The following CLPTM1L variants were observed in gnomAD, a reference collection of about 807,000 sequenced individuals.
CLPTM1L encodes the protein CLPTM1 like.
A neutral mutation model predicts 70.9 loss-of-function variants in CLPTM1L; 38 were observed. The observed-to-expected ratio is 0.54, with a 90% CI of 0.41 to 0.70. The LOEUF is 0.70. Ranked by LOEUF, CLPTM1L falls within the 30% of genes least tolerant of loss-of-function variation. The pLI, the probability that CLPTM1L is intolerant of heterozygous loss-of-function variation, is 0.00. For missense variants in CLPTM1L, 652 were observed against 705.9 expected, an observed-to-expected ratio of 0.92 and a Z score of 0.87; for synonymous variants, 339 against 299.9, an observed-to-expected ratio of 1.13 and a Z score of -1.35.
At position 1,326,163 on chromosome 5, in the gene CLPTM1L, G is replaced by A. The variant is rs763223587; in HGVS notation, c.1081-347C>T. The A allele has an allele frequency of 6.6e-5, 21 of 316,660 alleles. 1 individual carries two copies. The highest frequency in any genetic ancestry group is 1.5e-4 in the African/African-American group (7 of 47,198). The allele number at this position is 316,660 out of a possible 1,614,324, so 19.6% of individuals were successfully genotyped here. A position where few individuals can be genotyped will look rare whatever the true frequency, so the allele number is the denominator to read the frequency against. ...CAGCCCTGGAGCCAGTTTTGGGACC[G>A]CTCTGAGAGCCGCCACCTCATGGCT... On this transcript the variant is annotated intron_variant, in intron 9 of 16. Coordinates refer to ENST00000320895, the MANE Select transcript of CLPTM1L (RefSeq NM_030782.5).
chr5:1,334,161 G>A, intron 7 of CLPTM1L, 128 bp downstream of exon 7: 1 of 631,280 alleles, frequency 1.6e-6, no homozygotes, highest in South Asian at 1.9e-5. Flanking sequence ...TGAGTGATGG[G>A]AGTGGACACT....
chr5:1,328,782 C>T (rs380145), intron 9 of CLPTM1L, among the ~76,000 whole-genome samples: 16,978 of 139,736 alleles, frequency 0.12, 1,223 homozygotes, highest in Non-Finnish European at 0.18. Context: ...TCCAGATCCT[C>T]CTCTACAGAC....
chr5:1,342,488 C>T lies in CLPTM1L; in HGVS notation c.264-628G>A, dbSNP rs891596505. Among the ~76,000 whole-genome samples, 22 of 152,232 alleles carry T rather than the reference C, an allele frequency of 1.4e-4. No individual in the cohort carries two copies. The highest frequency in any genetic ancestry group is 5.9e-5 in the Non-Finnish European group (4 of 68,042). On this transcript the variant is annotated intron_variant, in intron 2 of 16. Coordinates refer to ENST00000320895, the MANE Select transcript of CLPTM1L (RefSeq NM_030782.5). This position sits in a 1 kb window ranked among gnomAD's most constrained non-coding sequence, Gnocchi z 4.3. ...ACAACTGTAGGCCTCGGACCAGGTG[C>T]CTGGCTCTTCACCCGCACACCAGGG...
chr5:1,325,643 G>A, intron 10 of CLPTM1L, 108 bp downstream of exon 10: 1 of 862,552 alleles, frequency 1.2e-6, no homozygotes, highest in South Asian at 1.5e-5. Context: ...TCCCCTGACA[G>A]AGGCCCGCAG....
chr5:1,325,848 A>T, intron 9 of CLPTM1L, 32 bp from the exon 10 acceptor site: 1 of 1,600,984 alleles, frequency 6.2e-7, no homozygotes, highest in Non-Finnish European at 8.6e-7. Flanking sequence ...TAGTTCCTTT[A>T]ATATTCGAAG....
chr5:1,322,799 T>A, intron 13 of CLPTM1L, 78 bp downstream of exon 13: 2 of 1,459,962 alleles, frequency 1.4e-6, no homozygotes, highest in Non-Finnish European at 1.9e-6. Flanking sequence ...CTTGCCACAC[T>A]GGGTTTCAAT....
chr5:1,329,613 G>C (rs1752939884), intron 9 of CLPTM1L, among the ~76,000 whole-genome samples: 1 of 131,906 alleles, frequency 7.6e-6, no homozygotes, highest in Non-Finnish European at 1.6e-5. Flanking sequence ...CTGGTGGACA[G>C]GGCCTCAGGA....
chr5:1,333,071 G>A (rs1245975119), intron 7 of CLPTM1L, among the ~76,000 whole-genome samples: 8 of 119,288 alleles, frequency 6.7e-5, no homozygotes, highest in African/African-American at 2.4e-4. Flanking sequence ...GATAAGGGGG[G>A]ACTACTGTAT....
intron 5 of CLPTM1L, among the ~76,000 whole-genome samples, chr5:1,335,658 T>C (rs1753530845): frequency 1.3e-5 from 2 of 152,108 alleles, no homozygotes; most frequent in Non-Finnish European, 2.9e-5. Context: ...GGGGTGGCCG[T>C]GGGGACAACA....
chr5:1,318,230 A>C lies in CLPTM1L; in HGVS notation c.*139T>G. ...CAGCTCCAAATCTGACGTGATGGGA[A>C]CTTGGGAGATGTCTGAGAAATGTCC... On this transcript the variant is annotated 3_prime_UTR_variant, in exon 17 of 17. Coordinates refer to ENST00000320895, the MANE Select transcript of CLPTM1L (RefSeq NM_030782.5). This position sits in a 1 kb window ranked among gnomAD's most constrained non-coding sequence, Gnocchi z 8.9. 3 of 671,494 alleles carry C rather than the reference A, an allele frequency of 4.5e-6. No individual in the cohort carries two copies. Among genetic ancestry groups the C allele is most frequent in the South Asian group, 3.6e-5 (2 of 55,852 alleles). 41.6% of individuals were successfully genotyped at this position (671,494 alleles called of 1,614,324 possible). A position where few individuals can be genotyped will look rare whatever the true frequency, so the allele number is the denominator to read the frequency against.
intron 7 of CLPTM1L, among the ~76,000 whole-genome samples, chr5:1,334,065 C>T (rs577146827): frequency 1.6e-4 from 25 of 152,248 alleles, no homozygotes; most frequent in African/African-American, 3.9e-4. Flanking sequence ...AGGCTGTGGA[C>T]GGAGCTTTAT....
intron 7 of CLPTM1L, chr5:1,332,128 T>A: frequency 1.9e-6 from 1 of 513,886 alleles, no homozygotes; most frequent in Admixed American, 3.2e-5. Context: ...TGACTTGAAC[T>A]GCTGGAAAGG....
intron 9 of CLPTM1L, 89 bp from the exon 10 acceptor site, chr5:1,325,905 G>GGCC: frequency 9.4e-7 from 1 of 1,066,168 alleles, no homozygotes; most frequent in Non-Finnish European, 1.4e-6. Flanking sequence ...GGTAGGACCT[G>GGCC]CTGCCCATGG....
intron 10 of CLPTM1L, 81 bp from the exon 11 acceptor site, chr5:1,324,894 C>T: frequency 7.6e-7 from 1 of 1,309,152 alleles, no homozygotes; most frequent in African/African-American, 1.4e-5. Flanking sequence ...AGGGGCGTCA[C>T]ATATGGCTGC....
intron 12 of CLPTM1L, among the ~76,000 whole-genome samples, chr5:1,323,326 C>A (rs571976988): frequency 1.5e-5 from 2 of 131,958 alleles, no homozygotes; most frequent in Admixed American, 7.6e-5. Flanking sequence ...GGCCAGCAGC[C>A]CACCTGGGCA....
At chr5:1,326,020 C>G in intron 9 of CLPTM1L, 1 of 568,894 alleles carries the variant, frequency 1.8e-6, no homozygotes, top group Non-Finnish European at 3.1e-6. Flanking sequence ...CGTACCTGGT[C>G]AGGTGGGCTG....
At chr5:1,328,346 TC>T (rs1752778558) in intron 9 of CLPTM1L, among the ~76,000 whole-genome samples, 1 of 144,600 alleles carries the variant, frequency 6.9e-6, no homozygotes, top group Non-Finnish European at 1.5e-5. Flanking sequence ...ATCCAGCTCC[TC>T]CTCTACGGAC....
chr5:1,325,685 T>C (rs1021275865), intron 10 of CLPTM1L, 66 bp downstream of exon 10: 75 of 1,397,998 alleles, frequency 5.4e-5, no homozygotes, highest in Non-Finnish European at 6.8e-5. Flanking sequence ...TCTTACTCTT[T>C]GCACAGGGGG....
rs777521799 is a variant in CLPTM1L, at chr5:1,341,761, C to G, written c.363G>C (p.Gly121=). 6.2e-7 allele frequency: 1 copy of G among 1,613,928 alleles called. No individual in the cohort carries two copies. The highest frequency in any genetic ancestry group is 8.5e-7 in the Non-Finnish European group (1 of 1,179,996). ...GAGGACTGACCAGGTGCACCTGCTTCCCGTCGTGCCACGGCAGGACCCCAG... is the reference window on the plus strand; with the variant it reads ...GAGGACTGACCAGGTGCACCTGCTTGCCGTCGTGCCACGGCAGGACCCCAG... ...HHAGVLPWHD[G]KQVHLVSPLT... is the part of the protein sequence containing the mutation. The change falls in exon 3 of 17, where the codon GGG becomes GGC. Residue 121 remains glycine (G), a synonymous_variant. Coordinates refer to ENST00000320895, the MANE Select transcript of CLPTM1L (RefSeq NM_030782.5).
Sources: allele counts gnomAD v4.1 joint callset (sites outside exome capture counted in the v4.1 genomes callset), GRCh38; gene constraint gnomAD v4.1.1; non-coding constraint Gnocchi (gnomAD v3.1); transcripts MANE v1.5; gene names NCBI Gene and HGNC (gene_info 2026-07-23, HGNC 2026-07-21).